The following AP3B1 variants were observed in gnomAD, a reference collection of about 807,000 sequenced individuals.
The protein encoded by AP3B1 is AP-3 complex subunit beta-1.
Under a neutral mutation model 132.5 loss-of-function variants are expected in AP3B1, and 61 were observed. The ratio of observed to expected loss-of-function variants is 0.46; its 90% CI spans 0.37 to 0.57. AP3B1 has a LOEUF of 0.57. Among genes scored for constraint, AP3B1 ranks in the 20% least tolerant of loss-of-function variants. The pLI, the probability that AP3B1 is intolerant of heterozygous loss-of-function variation, is 0.00. For synonymous variants in AP3B1, 388 were observed against 438.3 expected (o/e 0.89, Z 1.43); for missense variants, 1,120 against 1,289.4 (o/e 0.87, Z 2.01).
chr5:78,249,579 CTTTTTTTTTTTT>C (rs71301504), intron 2 of AP3B1, among the ~76,000 whole-genome samples: 1 of 105,074 alleles, frequency 9.5e-6, no homozygotes, highest in Non-Finnish European at 1.9e-5. Flanking sequence ...TTTTCTTTTT[CTTTTTTTTTTTT>C]TTTTTTTTTT....
intron 26 of AP3B1, among the ~76,000 whole-genome samples, chr5:78,010,895 A>C (rs1295055015): frequency 1.3e-5 from 2 of 152,116 alleles, no homozygotes; most frequent in Non-Finnish European, 2.9e-5. Context: ...AATATCTTAC[A>C]CAGGAAGTGA....
intron 7 of AP3B1, among the ~76,000 whole-genome samples, chr5:78,184,576 T>G (rs1744520072): frequency 6.6e-6 from 1 of 151,730 alleles, no homozygotes; most frequent in East Asian, 2.0e-4. Context: ...TAGTCCCAGC[T>G]ACTCGGGAGG....
chr5:78,139,396 C>T (rs1753053589), intron 15 of AP3B1, among the ~76,000 whole-genome samples: 1 of 152,092 alleles, frequency 6.6e-6, no homozygotes, highest in South Asian at 2.1e-4. Flanking sequence ...AAACATGAAA[C>T]TCAACAGCAA....
chr5:78,219,014 G>A (rs1188515077), intron 6 of AP3B1, among the ~76,000 whole-genome samples: 1 of 151,972 alleles, frequency 6.6e-6, no homozygotes, highest in Non-Finnish European at 1.5e-5. Flanking sequence ...TGCACATAAC[G>A]GTGGGGCTTT....
intron 22 of AP3B1, among the ~76,000 whole-genome samples, chr5:78,046,490 C>A (rs939675954): frequency 6.6e-6 from 1 of 152,168 alleles, no homozygotes; most frequent in Non-Finnish European, 1.5e-5. Flanking sequence ...ACAGGTCTCA[C>A]GTCTTCTGAG....
chr5:78,101,814 G>T (rs945776247), intron 20 of AP3B1, among the ~76,000 whole-genome samples: 5 of 152,020 alleles, frequency 3.3e-5, no homozygotes, highest in Non-Finnish European at 7.4e-5. Context: ...AAAGAAAACA[G>T]TATTAAGTGC....
At position 78,161,093 on chromosome 5, in the gene AP3B1, C is replaced by A. The variant is rs565237006; in HGVS notation, c.1363+1726G>T. On this transcript the variant is annotated intron_variant, in intron 13 of 26. Transcript: ENST00000255194. ...AAAGTAGTTAAACTAAATCCTTCTACTTTTAGAGAGGAAGTATGTATTAGT... is the reference window on the plus strand; with the variant it reads ...AAAGTAGTTAAACTAAATCCTTCTAATTTTAGAGAGGAAGTATGTATTAGT... Among the ~76,000 whole-genome samples the A allele has an allele frequency of 2.0e-5, 3 of 151,936 alleles. No individual in the cohort carries two copies. In the East Asian group the frequency reaches 5.8e-4, roughly 29 times the overall value.
intron 3 of AP3B1, among the ~76,000 whole-genome samples, chr5:78,235,084 C>T (rs187377607): frequency 9.2e-5 from 14 of 152,172 alleles, no homozygotes; most frequent in African/African-American, 3.4e-4. Flanking sequence ...TGGCCTCAAA[C>T]TCCTGGGCTC....
intron 21 of AP3B1, among the ~76,000 whole-genome samples, chr5:78,090,077 C>CA (rs1272283412): frequency 1.3e-5 from 2 of 152,168 alleles, no homozygotes; most frequent in Non-Finnish European, 2.9e-5. Flanking sequence ...CAAGTCTGGT[C>CA]ATGTTACTCC....
intron 22 of AP3B1, among the ~76,000 whole-genome samples, chr5:78,056,180 C>T (rs182395147): frequency 6.6e-6 from 1 of 152,256 alleles, no homozygotes; most frequent in Admixed American, 6.5e-5. Flanking sequence ...CCTCAGGAAA[C>T]TGCATGGGGT....
At chr5:78,124,064 T>C (rs1234168050) in intron 17 of AP3B1, among the ~76,000 whole-genome samples, 2 of 152,110 alleles carry the variant, frequency 1.3e-5, no homozygotes, top group African/African-American at 4.8e-5. Flanking sequence ...TGGATGAAAC[T>C]GGAAACCATC....
intron 3 of AP3B1, among the ~76,000 whole-genome samples, chr5:78,228,940 A>AT (rs929224876): frequency 1.3e-5 from 2 of 151,928 alleles, no homozygotes; most frequent in Admixed American, 6.6e-5. Context: ...TTGGTTTTCG[A>AT]TTTTTTTTCT....
chr5:78,078,792 T>C (rs1173108229), intron 22 of AP3B1, among the ~76,000 whole-genome samples: 2 of 152,246 alleles, frequency 1.3e-5, no homozygotes, highest in African/African-American at 2.4e-5. Context: ...CTGTAATTCC[T>C]AGCATAGTGA....
At chr5:78,225,274 G>A (rs1008052895) in intron 6 of AP3B1, among the ~76,000 whole-genome samples, 2 of 152,022 alleles carry the variant, frequency 1.3e-5, no homozygotes, top group Admixed American at 6.6e-5. Context: ...ATCTTACCAT[G>A]TTAACCACTT....
chr5:78,184,410 G>A lies in AP3B1; in HGVS notation c.787-2748C>T, dbSNP rs146432898. 9.4e-3 allele frequency among the ~76,000 whole-genome samples: 1,420 copies of A among 151,862 alleles called. 12 individuals carry two copies. The highest frequency in any genetic ancestry group is 0.015 in the Non-Finnish European group (1,007 of 67,890). Reference sequence around the variant, plus strand: ...AAAAATCAAAACTAAAAAACAGGCCGGGTGCGGTGGCTCATGCCTGTAATC... The same window carrying A: ...AAAAATCAAAACTAAAAAACAGGCCAGGTGCGGTGGCTCATGCCTGTAATC... On this transcript the variant is annotated intron_variant, in intron 7 of 26. Coordinates refer to ENST00000255194, the MANE Select transcript of AP3B1 (RefSeq NM_003664.5).
intron 20 of AP3B1, among the ~76,000 whole-genome samples, chr5:78,102,855 G>A (rs1358309932): frequency 6.6e-6 from 1 of 152,072 alleles, no homozygotes; most frequent in Admixed American, 6.5e-5. Context: ...ACAGCCAAGA[G>A]TGTGTAACAA....
intron 17 of AP3B1, among the ~76,000 whole-genome samples, chr5:78,120,379 T>C (rs1752115778): frequency 6.6e-6 from 1 of 152,200 alleles, no homozygotes; most frequent in Admixed American, 6.5e-5. Context: ...AATGCTCCAA[T>C]TAAAAGACAC....
At chr5:78,161,030 C>CA (rs1009443382) in intron 13 of AP3B1, among the ~76,000 whole-genome samples, 19 of 151,232 alleles carry the variant, frequency 1.3e-4, no homozygotes, top group African/African-American at 4.6e-4. Context: ...AGAGTTGTAT[C>CA]AAAAAACAAA....
chr5:78,209,198 G>T (rs772932318), intron 7 of AP3B1, among the ~76,000 whole-genome samples: 9 of 152,132 alleles, frequency 5.9e-5, no homozygotes, highest in South Asian at 2.1e-4. Context: ...TGAAAAACTA[G>T]TTCAGACCAT....
Sources: allele counts gnomAD v4.1 joint callset (sites outside exome capture counted in the v4.1 genomes callset), GRCh38; gene constraint gnomAD v4.1.1; transcripts MANE v1.5; gene names NCBI Gene and HGNC (gene_info 2026-07-23, HGNC 2026-07-21).